SLC4A7: variants seen among roughly 807,000 people sequenced by gnomAD.
The protein encoded by SLC4A7 is solute carrier family 4 member 7, also known as sodium bicarbonate cotransporter 3.
A neutral mutation model predicts 137.6 loss-of-function variants in SLC4A7; 51 were observed. That is an observed-to-expected ratio of 0.37 (90% CI 0.30 to 0.47). The LOEUF is 0.47. Among genes scored for constraint, SLC4A7 ranks in the 20% least tolerant of loss-of-function variants. SLC4A7 has a pLI of 1.00. For synonymous variants in SLC4A7, 542 were observed against 518.6 expected, an observed-to-expected ratio of 1.05 and a Z score of -0.61; for missense variants, 1,247 against 1,525.4, an observed-to-expected ratio of 0.82 and a Z score of 3.04.
At chr3:27,437,559 T>G in intron 3 of SLC4A7, 33 bp from the exon 4 acceptor site, 1 of 1,442,774 alleles carries the variant, frequency 6.9e-7, no homozygotes, top group East Asian at 2.5e-5. Context: ...TATACTCAAA[T>G]TTTTCCTCAA....
intron 22 of SLC4A7, among the ~76,000 whole-genome samples, chr3:27,387,010 A>G (rs2131205): frequency 0.21 from 32,488 of 152,152 alleles, 3,558 homozygotes; most frequent in Non-Finnish European, 0.25. Flanking sequence ...AAGTGATAAA[A>G]TTCCAATGTA....
intron 11 of SLC4A7, among the ~76,000 whole-genome samples, chr3:27,417,991 G>C (rs1320135939): frequency 1.3e-5 from 2 of 151,914 alleles, no homozygotes; most frequent in Non-Finnish European, 2.9e-5. Flanking sequence ...CCTATTACTG[G>C]GGATCTATTC....
intron 1 of SLC4A7, among the ~76,000 whole-genome samples, chr3:27,469,114 GA>G (rs71624672): frequency 2.7e-4 from 39 of 144,512 alleles, no homozygotes; most frequent in Admixed American, 1.0e-3. Context: ...CTCAATAAAA[GA>G]AAAAAAAAAA....
chr3:27,445,950 AAAAAAAAAAAAAAATATATATAT>A (rs1379050096), intron 3 of SLC4A7, among the ~76,000 whole-genome samples: 1 of 30,760 alleles, frequency 3.3e-5, no homozygotes, highest in African/African-American at 9.9e-5. Context: ...AAAAAAAAAA[AAAAAAAAAAAAAAATATATATAT>A]ATATATATAT....
intron 1 of SLC4A7, among the ~76,000 whole-genome samples, chr3:27,464,720 G>A (rs1167587654): frequency 6.6e-6 from 1 of 151,926 alleles, no homozygotes; most frequent in African/African-American, 2.4e-5. Context: ...AGCCAGCCCA[G>A]CGCGGTCGCT....
intron 7 of SLC4A7, among the ~76,000 whole-genome samples, chr3:27,425,705 A>AAAAAAAT (rs2055534367): frequency 6.9e-6 from 1 of 144,938 alleles, no homozygotes; most frequent in Non-Finnish European, 1.5e-5. Flanking sequence ...AAAAAAAAAA[A>AAAAAAAT]ATTTAAATTC....
chr3:27,385,052 G>C (rs2050798050), intron 23 of SLC4A7, among the ~76,000 whole-genome samples: 1 of 152,054 alleles, frequency 6.6e-6, no homozygotes, highest in African/African-American at 2.4e-5. Context: ...ATTCTAATTA[G>C]TATCTAGTTA....
chr3:27,380,941 T>C (rs1404241525), intron 24 of SLC4A7, among the ~76,000 whole-genome samples: 1 of 152,212 alleles, frequency 6.6e-6, no homozygotes, highest in Non-Finnish European at 1.5e-5. Context: ...GTATATATTT[T>C]TTTCCCTCAA....
At chr3:27,385,762 T>C (rs543839142) in intron 23 of SLC4A7, 130 bp downstream of exon 23, 419 of 636,186 alleles carry the variant, frequency 6.6e-4, no homozygotes, top group Non-Finnish European at 1.0e-3. Context: ...CAGTACCTAC[T>C]ACACTTTTAT....
At chr3:27,449,136 C>G (rs9822816) in intron 2 of SLC4A7, among the ~76,000 whole-genome samples, 141,533 of 151,680 alleles carry the variant, frequency 0.93, 66,111 homozygotes, top group East Asian at 1. Context: ...TCCTGACCTC[C>G]TGATCCGCCC....
At position 27,409,401 on chromosome 3, in the gene SLC4A7, T is replaced by G. The variant is rs1395198462; in HGVS notation, c.1896A>C (p.Val632=). 3 of 1,613,694 alleles carry G rather than the reference T, an allele frequency of 1.9e-6. No homozygotes were observed. In the South Asian group the frequency reaches 3.3e-5, roughly 18 times the overall value. ...LFLYCACMSP[V]ITFGGLLGEA... is the part of the protein sequence containing the mutation. ...CTCCAAGCAGCCCTCCAAAAGTGAT[T>G]ACAGGAGACATACAGGCACAGTATA... The change falls in exon 13 of 26, where the codon GTA becomes GTC. Residue 632 remains valine, a synonymous_variant. Coordinates refer to ENST00000454389, the MANE Select transcript of SLC4A7 (RefSeq NM_001321103.2).
rs1273474282 is a variant in SLC4A7 at position 27,402,760 on chromosome 3, A to T, written c.2321+379T>A. ...AGATGCAAAATTTGAAAAATATATA[A>T]AAAAAAGTCTACATTCTATTATACA... On this transcript the variant is annotated intron_variant, in intron 15 of 25. Coordinates refer to ENST00000454389, the MANE Select transcript of SLC4A7 (RefSeq NM_001321103.2). 7.2e-5 allele frequency among the ~76,000 whole-genome samples: 11 copies of T among 152,214 alleles called. No individual in the cohort carries two copies. In the East Asian group the frequency reaches 1.2e-3, roughly 16 times the overall value.
chr3:27,456,546 T>C (rs1157766122), intron 1 of SLC4A7: 4 of 814,972 alleles, frequency 4.9e-6, no homozygotes, highest in African/African-American at 3.4e-5. Flanking sequence ...GATGATACTA[T>C]TCTAAGCCAG....
intron 1 of SLC4A7, among the ~76,000 whole-genome samples, chr3:27,479,184 G>A (rs1334215765): frequency 1.3e-5 from 2 of 152,204 alleles, no homozygotes; most frequent in Non-Finnish European, 2.9e-5. Context: ...GGGGGCAGAG[G>A]AGGGTGGATC....
At chr3:27,469,861 C>A (rs2059163034) in intron 1 of SLC4A7, among the ~76,000 whole-genome samples, 1 of 152,218 alleles carries the variant, frequency 6.6e-6, no homozygotes, top group South Asian at 2.1e-4. Context: ...TGTCCAATCA[C>A]TGCAAAATAA....
chr3:27,381,762 C>T (rs1050333824), intron 24 of SLC4A7, among the ~76,000 whole-genome samples: 4 of 152,146 alleles, frequency 2.6e-5, no homozygotes, highest in Non-Finnish European at 4.4e-5. Context: ...AGACTGATTT[C>T]GCTAACTAAT....
intron 11 of SLC4A7, among the ~76,000 whole-genome samples, chr3:27,412,736 T>C (rs1018882063): frequency 8.5e-5 from 13 of 152,204 alleles, no homozygotes; most frequent in Non-Finnish European, 1.8e-4. Flanking sequence ...TAATTAATCA[T>C]TTAACTGATT....
At chr3:27,479,046 CT>C (rs1436358669) in intron 1 of SLC4A7, among the ~76,000 whole-genome samples, 6 of 151,974 alleles carry the variant, frequency 3.9e-5, no homozygotes, top group African/African-American at 1.4e-4. Context: ...TAGAACCTGT[CT>C]GTATTGGCAT....
chr3:27,413,346 CT>C (rs527850040), intron 11 of SLC4A7, among the ~76,000 whole-genome samples: 154 of 152,244 alleles, frequency 1.0e-3, no homozygotes, highest in South Asian at 3.1e-3. Flanking sequence ...TTCTTCCAAA[CT>C]TTTAAAATCA....
Sources: gnomAD v4.1 joint callset for allele counts (sites outside exome capture counted in the v4.1 genomes callset) on GRCh38, gnomAD v4.1.1 for gene constraint, MANE v1.5 for transcripts, NCBI Gene and HGNC (gene_info 2026-07-23, HGNC 2026-07-21) for gene names.